The following NEK9 variants were observed in gnomAD, a reference collection of about 807,000 sequenced individuals.
The protein encoded by NEK9 is serine/threonine-protein kinase Nek9.
Under a neutral mutation model 123.4 loss-of-function variants are expected in NEK9, and 75 were observed. That is an observed-to-expected ratio of 0.61 (90% CI 0.50 to 0.74). The LOEUF (loss-of-function observed/expected upper bound fraction) is 0.74, where lower values mean the gene tolerates loss of function less well. Ranked by LOEUF, NEK9 falls within the 30% of genes least tolerant of loss-of-function variation. The pLI is 0.00. For synonymous variants in NEK9, 438 were observed against 458.7 expected (o/e 0.95, Z 0.58); for missense variants, 952 against 1,214.4 (o/e 0.78, Z 3.21).
rs759363318 is a variant in NEK9 at position 75,091,256 on chromosome 14, TC to T, written c.2442+13del. The T allele has an allele frequency of 6.3e-6, 10 of 1,598,628 alleles. No individual in the cohort carries two copies. The highest frequency in any genetic ancestry group is 8.5e-6 in the Non-Finnish European group (10 of 1,173,778). On this transcript the variant is annotated intron_variant, in intron 19 of 21. Coordinates refer to ENST00000238616, the MANE Select transcript of NEK9 (RefSeq NM_033116.6). ...CACATATTTTATCCAAGTTACTTCT[TC>T]CAAAGGAATTACCTTTCGAAGCCAG...
Position 75,110,303 on chromosome 14 carries a change from G to C in NEK9, c.989+18C>G, listed in dbSNP as rs1166726333. 3.8e-6 allele frequency: 6 copies of C among 1,595,754 alleles called. No individual in the cohort carries two copies. In the Admixed American group the frequency reaches 6.8e-5, roughly 18 times the overall value. ...TAATTTCGGATATATTAGTTTTTAA[G>C]AGTCTCTTGAACATTACCTTGGTCT... On this transcript the variant is annotated intron_variant, in intron 9 of 21. Transcript: ENST00000238616.
intron 16 of NEK9, among the ~76,000 whole-genome samples, chr14:75,099,172 T>C (rs1255598818): frequency 6.6e-6 from 1 of 151,886 alleles, no homozygotes; most frequent in African/African-American, 2.4e-5. Flanking sequence ...GAAGATTAAA[T>C]GTATTGGCTG....
At position 75,116,038 on chromosome 14, in the gene NEK9, T is replaced by G. The variant is rs530196448; in HGVS notation, c.762+1157A>C. Among the ~76,000 whole-genome samples, 9 of 152,298 alleles carry G rather than the reference T, an allele frequency of 5.9e-5. No homozygotes were observed. The South Asian group carries it at 1.7e-3, about 28-fold the overall frequency. ...ATAAAGCAAACATTTGGAAGGGTTT[T>G]AGACTACCTGGCAAAACCACAGCTA... On this transcript the variant is annotated intron_variant, in intron 6 of 21. Coordinates refer to ENST00000238616, the MANE Select transcript of NEK9 (RefSeq NM_033116.6).
intron 8 of NEK9, among the ~76,000 whole-genome samples, chr14:75,113,137 T>C (rs1895011855): frequency 6.6e-6 from 1 of 152,160 alleles, no homozygotes; most frequent in African/African-American, 2.4e-5. Flanking sequence ...GCCTCATTAG[T>C]ACAAATTTAC....
At chr14:75,113,532 A>G (rs1895026084) in intron 7 of NEK9, 129 bp from the exon 8 acceptor site, 2 of 654,306 alleles carry the variant, frequency 3.1e-6, no homozygotes, top group Admixed American at 2.8e-5. Context: ...GTGATACTCC[A>G]TATTTTATGC....
Position 75,091,304 on chromosome 14 carries a change from C to T in NEK9, c.2408G>A (p.Gly803Glu), listed in dbSNP as rs1386192585. ...CCAGCCAGGACAGGAGCTGCTGGCCCCATTACTGTTCCCCATGGCCTCTGT... is the reference window on the plus strand; with the variant it reads ...CCAGCCAGGACAGGAGCTGCTGGCCTCATTACTGTTCCCCATGGCCTCTGT... ...SPTEAMGNSNGASSSCPGWLR... is the reference protein window; with the variant it reads ...SPTEAMGNSNEASSSCPGWLR... Residue 803 changes from glycine to glutamate, a missense_variant, in exon 19 of 22, where the codon GGG becomes GAG. Physicochemically the swap from Gly to Glu is moderately conservative, Grantham distance 98. Around this residue, in one of 4 missense-constraint regions of NEK9, gnomAD observed 698 missense variants for 875.6 expected, o/e 0.80. Coordinates refer to ENST00000238616, the MANE Select transcript of NEK9 (RefSeq NM_033116.6). 6.2e-7 allele frequency: 1 copy of T among 1,613,464 alleles called. No homozygotes were observed.
chr14:75,099,989 CGTG>C (rs1220534827), intron 16 of NEK9, among the ~76,000 whole-genome samples: 6 of 150,522 alleles, frequency 4.0e-5, no homozygotes, highest in Admixed American at 6.6e-5. Flanking sequence ...ATTAGCTGGA[CGTG>C]GTGGTTTGTG....
At chr14:75,106,938 G>T (rs978740791) in intron 11 of NEK9, among the ~76,000 whole-genome samples, 1 of 152,004 alleles carries the variant, frequency 6.6e-6, no homozygotes, top group Non-Finnish European at 1.5e-5. Context: ...ACATTAAAAG[G>T]ACTTAAAATT....
chr14:75,121,020 A>T (rs758173143), intron 3 of NEK9, 99 bp downstream of exon 3: 3 of 1,019,476 alleles, frequency 2.9e-6, no homozygotes, highest in Middle Eastern at 2.0e-4. Context: ...GAACAAAAGG[A>T]AAAAAACACT....
chr14:75,102,345 T>G (rs1165376823), intron 14 of NEK9, among the ~76,000 whole-genome samples: 1 of 152,196 alleles, frequency 6.6e-6, no homozygotes. Flanking sequence ...TTTTTTTTGT[T>G]TTTTTATTTT....
At chr14:75,110,229 T>C in intron 9 of NEK9, 92 bp downstream of exon 9, 1 of 948,410 alleles carries the variant, frequency 1.1e-6, no homozygotes, top group African/African-American at 1.6e-5. Flanking sequence ...GATGCCAAAG[T>C]ATCCTCGGAT....
intron 4 of NEK9, among the ~76,000 whole-genome samples, 153 bp downstream of exon 4, chr14:75,120,357 A>C (rs1895284255): frequency 1.3e-5 from 2 of 152,192 alleles, no homozygotes; most frequent in African/African-American, 2.4e-5. Context: ...GGGAGTGAAA[A>C]TAATATTGCT....
chr14:75,106,874 G>A (rs772011965), intron 11 of NEK9, among the ~76,000 whole-genome samples, 172 bp from the exon 12 acceptor site: 5 of 152,188 alleles, frequency 3.3e-5, no homozygotes, highest in Admixed American at 6.5e-5. Flanking sequence ...ATGTCAGAGA[G>A]TCATGTGTAC....
Position 75,124,269 on chromosome 14 carries a change from G to C in NEK9, c.220-46C>G, listed in dbSNP as rs749676636. On this transcript the variant is annotated intron_variant, in intron 1 of 21. Transcript: ENST00000238616. ...ATCGTGCTTTTCCTCTTGCCTGGCA[G>C]CAAATGAATCCACACCTAGATCTGT... 3 of 1,564,732 alleles carry C rather than the reference G, an allele frequency of 1.9e-6. No homozygotes were observed. In the South Asian group the frequency reaches 3.4e-5, roughly 18 times the overall value.
chr14:75,116,959 C>G (rs996011954), intron 6 of NEK9, among the ~76,000 whole-genome samples: 1 of 152,102 alleles, frequency 6.6e-6, no homozygotes, highest in South Asian at 2.1e-4. Context: ...CCATGTTGGC[C>G]GGGGTGACCT....
chr14:75,125,500 A>G (rs1176557450), intron 1 of NEK9, among the ~76,000 whole-genome samples: 2 of 152,240 alleles, frequency 1.3e-5, no homozygotes, highest in Non-Finnish European at 2.9e-5. Context: ...GCAATGGGCA[A>G]GATGTGAGAC....
At chr14:75,085,782 TG>T (rs1157867023) in intron 21 of NEK9, among the ~76,000 whole-genome samples, 2 of 152,056 alleles carry the variant, frequency 1.3e-5, no homozygotes, top group African/African-American at 4.8e-5. Flanking sequence ...TCCAGCTACT[TG>T]GGGGGCTGAG....
intron 6 of NEK9, 83 bp downstream of exon 6, chr14:75,117,112 C>G (rs1226215763): frequency 6.9e-7 from 1 of 1,444,700 alleles, no homozygotes; most frequent in Non-Finnish European, 9.3e-7. Context: ...AATCAGAAGC[C>G]TGGGAATAGA....
At chr14:75,124,360 A>C (rs962330219) in intron 1 of NEK9, 137 bp from the exon 2 acceptor site, 1 of 661,628 alleles carries the variant, frequency 1.5e-6, no homozygotes, top group East Asian at 2.7e-5. Flanking sequence ...CTTTTAACAG[A>C]CTTTAAAGGT....
Sources: gnomAD v4.1 joint callset for allele counts (sites outside exome capture counted in the v4.1 genomes callset) on GRCh38, gnomAD v4.1.1 for gene constraint, gnomAD v4.1.1 regional missense constraint, MANE v1.5 for transcripts, NCBI Gene and HGNC (gene_info 2026-07-23, HGNC 2026-07-21) for gene names.